Variants in SLC24A4 observed in about 807,000 individuals in gnomAD.
The protein encoded by SLC24A4 is sodium/potassium/calcium exchanger 4.
Under a neutral mutation model 79.0 loss-of-function variants are expected in SLC24A4, and 53 were observed. That is an observed-to-expected ratio of 0.67 (90% CI 0.54 to 0.84). SLC24A4 has a LOEUF of 0.84. Ranked by LOEUF, SLC24A4 falls within the 40% of genes least tolerant of loss-of-function variation. The pLI, the probability that SLC24A4 is intolerant of heterozygous loss-of-function variation, is 0.00. For missense variants in SLC24A4, 731 were observed against 822.0 expected, an observed-to-expected ratio of 0.89 and a Z score of 1.35; for synonymous variants, 323 against 323.8, an observed-to-expected ratio of 1.00 and a Z score of 0.03.
At chr14:92,418,074 C>T (rs574135765) in intron 2 of SLC24A4, among the ~76,000 whole-genome samples, 37 of 152,196 alleles carry the variant, frequency 2.4e-4, no homozygotes, top group Non-Finnish European at 5.0e-4. Flanking sequence ...TGTGTCCTCC[C>T]AAATATAATG....
At chr14:92,393,052 G>A (rs990280839) in intron 2 of SLC24A4, among the ~76,000 whole-genome samples, 6 of 152,246 alleles carry the variant, frequency 3.9e-5, no homozygotes, top group Admixed American at 3.9e-4. Flanking sequence ...TCACGTGGGA[G>A]GCGCCATCTA....
At position 92,461,287 on chromosome 14, in the gene SLC24A4, A is replaced by G. The variant is rs571792551; in HGVS notation, c.1255+4679A>G. Among the ~76,000 whole-genome samples, 37 of 152,358 alleles carry G rather than the reference A, an allele frequency of 2.4e-4. No individual in the cohort carries two copies. In the East Asian group the frequency reaches 7.1e-3, roughly 29 times the overall value. On this transcript the variant is annotated intron_variant, in intron 12 of 16. Coordinates refer to ENST00000532405, the MANE Select transcript of SLC24A4 (RefSeq NM_153646.4). ...CCACTTTTATTATAGCAGCCAACAA[A>G]CAGCTACTGGGGACTTGCCATATGT... is the stretch of plus-strand genomic sequence containing the variant.
rs1895866923 is a variant in SLC24A4 at position 92,494,799 on chromosome 14, A to G, written c.*1171A>G. On this transcript the variant is annotated 3_prime_UTR_variant, in exon 17 of 17. Coordinates refer to ENST00000532405, the MANE Select transcript of SLC24A4 (RefSeq NM_153646.4). The surrounding 1 kb of genome is among the most constrained non-coding windows in gnomAD (Gnocchi z 4.6). ...AGAATATTTAGAGCTAAGCTTCTGG[A>G]ACCACGTAGTTTCTACACGTGGCAG... is the stretch of plus-strand genomic sequence containing the variant. The G allele has an allele frequency of 6.6e-6, 1 of 152,610 alleles. No homozygotes were observed. The highest frequency in any genetic ancestry group is 6.5e-5 in the Admixed American group (1 of 15,284). 9.5% of individuals were successfully genotyped at this position (152,610 alleles called of 1,614,324 possible).
chr14:92,424,073 G>A (rs959736632), intron 2 of SLC24A4, among the ~76,000 whole-genome samples: 1 of 152,128 alleles, frequency 6.6e-6, no homozygotes, highest in African/African-American at 2.4e-5. Context: ...GTCATCCCAT[G>A]CCTTGTTCTC....
Position 92,409,936 on chromosome 14 carries a change from C to T in SLC24A4, c.242-23976C>T, listed in dbSNP as rs563362659. On this transcript the variant is annotated intron_variant, in intron 2 of 16. Transcript: ENST00000532405. ...GAGGCCATTATCCTTAATAAACTAA[C>T]GCAGGAACAGAAAACCAAATACCAC... 2.2e-4 allele frequency among the ~76,000 whole-genome samples: 33 copies of T among 152,128 alleles called. 1 individual carries two copies. In the South Asian group the frequency reaches 5.8e-3, roughly 27 times the overall value.
intron 12 of SLC24A4, among the ~76,000 whole-genome samples, chr14:92,463,728 A>T (rs1006408672): frequency 6.6e-6 from 1 of 152,196 alleles, no homozygotes; most frequent in Admixed American, 6.5e-5. Context: ...TAGTCACAAA[A>T]TTGTGGAATC....
At chr14:92,382,020 C>T (rs1290417394) in intron 2 of SLC24A4, among the ~76,000 whole-genome samples, 2 of 151,986 alleles carry the variant, frequency 1.3e-5, no homozygotes, top group Non-Finnish European at 2.9e-5. Context: ...CTTATTGTAG[C>T]GATTCAAACC....
At chr14:92,456,854 G>A (rs1430629577) in intron 12 of SLC24A4, among the ~76,000 whole-genome samples, 2 of 152,204 alleles carry the variant, frequency 1.3e-5, no homozygotes, top group Admixed American at 6.5e-5. Flanking sequence ...AGAGCAGGGC[G>A]GCTGGAGGCC....
Position 92,403,321 on chromosome 14 carries a change from G to A in SLC24A4, c.242-30591G>A, listed in dbSNP as rs148686884. ...AGATGACAGACTTAAAGCTCTGAGA[G>A]GACTGGCCAGGCGTGGTGGTTCATG... is the stretch of plus-strand genomic sequence containing the variant. On this transcript the variant is annotated intron_variant, in intron 2 of 16. Transcript: ENST00000532405. Among the ~76,000 whole-genome samples the A allele has an allele frequency of 3.3e-5, 5 of 152,188 alleles. No individual in the cohort carries two copies. In the East Asian group the frequency reaches 9.7e-4, roughly 30 times the overall value.
At position 92,323,624 on chromosome 14, in the gene SLC24A4, C is replaced by T. The variant is rs1365670594; in HGVS notation, c.-207C>T. 15 of 514,380 alleles carry T rather than the reference C, an allele frequency of 2.9e-5. No individual in the cohort carries two copies. The highest frequency in any genetic ancestry group is 3.2e-6 in the Non-Finnish European group (1 of 310,832). 31.9% of individuals were successfully genotyped at this position (514,380 alleles called of 1,614,324 possible). Reference sequence around the variant, plus strand: ...CAGCGCGCACGCGGCGCGCGGGACTCTGAGCTCCGGCCGCGTCGCGCGTCC... The same window carrying T: ...CAGCGCGCACGCGGCGCGCGGGACTTTGAGCTCCGGCCGCGTCGCGCGTCC... On this transcript the variant is annotated 5_prime_UTR_variant, in exon 1 of 17. Transcript: ENST00000532405. The surrounding 1 kb of genome is among the most constrained non-coding windows in gnomAD (Gnocchi z 4.9).
intron 2 of SLC24A4, among the ~76,000 whole-genome samples, chr14:92,341,609 C>T (rs920930763): frequency 6.6e-6 from 1 of 152,220 alleles, no homozygotes; most frequent in Non-Finnish European, 1.5e-5. Context: ...AGGGCCTCCA[C>T]CTGGGGCATT....
intron 2 of SLC24A4, among the ~76,000 whole-genome samples, chr14:92,395,575 T>C (rs1566737430): frequency 6.6e-6 from 1 of 152,028 alleles, no homozygotes. Context: ...GACTAAGCAA[T>C]AAGAGCTGCT....
At chr14:92,424,964 T>C (rs1453213757) in intron 2 of SLC24A4, among the ~76,000 whole-genome samples, 1 of 152,176 alleles carries the variant, frequency 6.6e-6, no homozygotes, top group African/African-American at 2.4e-5. Context: ...GGCATTAATC[T>C]ATTCCTGAGG....
chr14:92,485,666 TA>T (rs796811214), intron 13 of SLC24A4, among the ~76,000 whole-genome samples: 121 of 144,552 alleles, frequency 8.4e-4, no homozygotes, highest in African/African-American at 1.2e-3. Flanking sequence ...ACATTACAAG[TA>T]AAAAAAAAAA....
rs1886338273 is a variant in SLC24A4, at chr14:92,343,653, T to TTTCCTTCCTTCTTTCCTTCCTTCC, written c.241+17686_241+17687insTTTCCTTCCTTCCTTCCTTCCTTC. 5.8e-5 allele frequency among the ~76,000 whole-genome samples: 2 copies of TTTCCTTCCTTCTTTCCTTCCTTCC among 34,256 alleles called. 1 individual carries two copies. The allele number at this position is 34,256 out of a possible 152,430, so 22.5% of individuals were successfully genotyped here. A position where few individuals can be genotyped will look rare whatever the true frequency, so the allele number is the denominator to read the frequency against. On this transcript the variant is annotated intron_variant, in intron 2 of 16. Coordinates refer to ENST00000532405, the MANE Select transcript of SLC24A4 (RefSeq NM_153646.4). ...CTTTCTTTCTTTCTCTCTTTCCTTCTTTCCTTCCTTCCTTCCTTCCTTCCT... is the reference window on the plus strand; with the variant it reads ...CTTTCTTTCTTTCTCTCTTTCCTTCTTTCCTTCCTTCTTTCCTTCCTTCCTTCCTTCCTTCCTTCCTTCCTTCCT...
chr14:92,428,231 T>A (rs1329467818), intron 2 of SLC24A4, among the ~76,000 whole-genome samples: 2 of 152,188 alleles, frequency 1.3e-5, no homozygotes, highest in Non-Finnish European at 2.9e-5. Flanking sequence ...CTGTGTAACC[T>A]TGGTTGCCAG....
chr14:92,419,639 C>A (rs1421168307), intron 2 of SLC24A4, among the ~76,000 whole-genome samples: 1 of 152,148 alleles, frequency 6.6e-6, no homozygotes, highest in African/African-American at 2.4e-5. Context: ...GGTTACTATT[C>A]ATTAGACTGG....
In SLC24A4 at chr14:92,403,277, C is replaced by T. The variant is rs147574325; in HGVS notation, c.242-30635C>T. Among the ~76,000 whole-genome samples the T allele has an allele frequency of 2.8e-3, 429 of 152,142 alleles. 1 individual carries two copies. The highest frequency in any genetic ancestry group is 9.4e-3 in the African/African-American group (390 of 41,532). On this transcript the variant is annotated intron_variant, in intron 2 of 16. Transcript: ENST00000532405. The stretch of plus-strand genomic sequence containing the variant: ...TGGCCATGATACAGTCATGCATCCC[C>T]GCACACAGAATTAGTTCAAGATGAC...
rs142451853 is a variant in SLC24A4 at position 92,442,738 on chromosome 14, C to T, written c.504C>T (p.Val168=). The T allele has an allele frequency of 3.9e-5, 63 of 1,613,842 alleles. No homozygotes were observed. The highest frequency in any genetic ancestry group is 1.6e-4 in the Middle Eastern group (1 of 6,080). ...GGGTGTTCATCACCCATGGGGACGT[C>T]GGGGTGGGCACCATCGTGGGCTCTG... ...VIGVFITHGD[V]GVGTIVGSAV... The change falls in exon 6 of 17, where the codon GTC becomes GTT. Residue 168 remains valine (V), a synonymous_variant. Transcript: ENST00000532405.
Sources: allele counts gnomAD v4.1 joint callset (sites outside exome capture counted in the v4.1 genomes callset), GRCh38; gene constraint gnomAD v4.1.1; non-coding constraint Gnocchi (gnomAD v3.1); transcripts MANE v1.5; gene names NCBI Gene and HGNC (gene_info 2026-07-23, HGNC 2026-07-21).